CCDC88C: variants seen among roughly 807,000 people sequenced by gnomAD.
The protein encoded by CCDC88C is coiled-coil and HOOK domain protein 88C, also known as protein Daple.
In CCDC88C, 131 loss-of-function variants were observed where a neutral mutation model predicts 198.8. That is an observed-to-expected ratio of 0.66 (90% confidence interval 0.57 to 0.76). CCDC88C has a LOEUF of 0.76. CCDC88C is among the 30% of genes least tolerant of loss of function. The pLI, the probability that CCDC88C is intolerant of heterozygous loss-of-function variation, is 0.00. For missense variants in CCDC88C, 2,553 were observed against 2,631.6 expected, an observed-to-expected ratio of 0.97 and a Z score of 0.65; for synonymous variants, 1,166 against 1,114.7, an observed-to-expected ratio of 1.05 and a Z score of -0.92.
chr14:91,325,826 C>A lies in CCDC88C; in HGVS notation c.1197+84G>T. 1 of 1,398,372 alleles carries A rather than the reference C, an allele frequency of 7.2e-7. No individual in the cohort carries two copies. The highest frequency in any genetic ancestry group is 9.7e-7 in the Non-Finnish European group (1 of 1,029,818). 86.6% of individuals were successfully genotyped at this position (1,398,372 alleles called of 1,614,324 possible). ...TCAAGGGATCCTCCCACCTTAGCCT[C>A]CCAAAGTGCTGGGATTACAGGCATG... On this transcript the variant is annotated intron_variant, in intron 11 of 29. Coordinates refer to ENST00000389857, the MANE Select transcript of CCDC88C (RefSeq NM_001080414.4). This position sits in a 1 kb window ranked among gnomAD's most constrained non-coding sequence, Gnocchi z 4.1.
chr14:91,375,544 A>C (rs1222957578), intron 3 of CCDC88C, among the ~76,000 whole-genome samples: 1 of 152,210 alleles, frequency 6.6e-6, no homozygotes, highest in Non-Finnish European at 1.5e-5. Flanking sequence ...AGGGAAGGGC[A>C]GGCGCACAGA....
Position 91,339,878 on chromosome 14 carries a change from A to C in CCDC88C, c.624+6T>G. ...GGCTGACCGGGCCACCGACCCGCGG[A>C]CGCACCTCGGTGCACTCGTCCCGCT... On this transcript the variant is annotated splice_donor_region_variant and intron_variant, in intron 7 of 29. Transcript: ENST00000389857. This position sits in a 1 kb window ranked among gnomAD's most constrained non-coding sequence, Gnocchi z 5.8. The C allele has an allele frequency of 1.3e-6, 2 of 1,578,264 alleles. No homozygotes were observed. Among genetic ancestry groups the C allele is most frequent in the South Asian group, 2.3e-5 (2 of 86,268 alleles).
chr14:91,407,474 G>A (rs768361218), intron 3 of CCDC88C, among the ~76,000 whole-genome samples: 4 of 152,236 alleles, frequency 2.6e-5, no homozygotes, highest in Non-Finnish European at 5.9e-5. Context: ...CACATGTTTA[G>A]TGAAACGCTG....
In CCDC88C at chr14:91,272,618, G is replaced by GA; in HGVS notation, c.*6dup. On this transcript the variant is annotated 3_prime_UTR_variant, in exon 30 of 30. Transcript: ENST00000389857. The stretch of plus-strand genomic sequence containing the variant: ...TTTTCAGGTTTGCGAGCTCAACCAC[G>GA]AGACAGTCACACACAGCCGTACTCA... 1.3e-6 allele frequency: 2 copies of GA among 1,597,770 alleles called. No individual in the cohort carries two copies. Among genetic ancestry groups the GA allele is most frequent in the Non-Finnish European group, 1.7e-6 (2 of 1,172,754 alleles).
At chr14:91,413,773 C>T (rs960389032) in intron 2 of CCDC88C, among the ~76,000 whole-genome samples, 1 of 152,212 alleles carries the variant, frequency 6.6e-6, no homozygotes, top group African/African-American at 2.4e-5. Context: ...GGTGCAGTCA[C>T]GTGACCCCCA....
At chr14:91,359,250 G>GCCTCCC (rs201665773) in intron 4 of CCDC88C, among the ~76,000 whole-genome samples, 44,953 of 147,502 alleles carry the variant, frequency 0.3, 6,968 homozygotes, top group Non-Finnish European at 0.34. Flanking sequence ...TGCAAGCTCC[G>GCCTCCC]GGCCATTCTC....
chr14:91,298,242 G>T (rs1471406122), intron 21 of CCDC88C, among the ~76,000 whole-genome samples: 1 of 152,140 alleles, frequency 6.6e-6, no homozygotes, highest in East Asian at 1.9e-4. Flanking sequence ...CACCAGCCTA[G>T]GCGACATAGT....
chr14:91,307,188 T>A lies in CCDC88C; in HGVS notation c.3045A>T (p.Gly1015=). 1 of 1,613,824 alleles carries A rather than the reference T, an allele frequency of 6.2e-7. No individual in the cohort carries two copies. The highest frequency in any genetic ancestry group is 1.3e-5 in the African/African-American group (1 of 75,024). The change falls in exon 18 of 30, where the codon GGA becomes GGT. Residue 1015 remains glycine, a synonymous_variant. Transcript: ENST00000389857. ...AAGAGTTCTGCAAGTGCTGCCCCTC[T>A]CCCTGGTTCTGCCTGAGGGTCTCAC... ...KECETLRQNQ[G]EGQHLQNSFK...
intron 3 of CCDC88C, chr14:91,384,657 C>T (rs999047872): frequency 5.2e-6 from 2 of 381,450 alleles, no homozygotes; most frequent in Non-Finnish European, 1.0e-5. Context: ...CCAGCCTACC[C>T]CAACTGCACA....
intron 3 of CCDC88C, among the ~76,000 whole-genome samples, chr14:91,376,759 T>C (rs1053011158): frequency 4.6e-5 from 7 of 152,156 alleles, no homozygotes; most frequent in Admixed American, 2.6e-4. Context: ...GTAAGCCCAG[T>C]GTCGGTTCAG....
At chr14:91,327,197 A>G (rs1892617162) in intron 10 of CCDC88C, among the ~76,000 whole-genome samples, 1 of 152,184 alleles carries the variant, frequency 6.6e-6, no homozygotes, top group Non-Finnish European at 1.5e-5. Flanking sequence ...TGTCCCACTC[A>G]CGAATCACAC....
chr14:91,323,705 A>T (rs1474377619), intron 12 of CCDC88C, among the ~76,000 whole-genome samples: 1 of 152,248 alleles, frequency 6.6e-6, no homozygotes, highest in Non-Finnish European at 1.5e-5. Flanking sequence ...ATGGTCTCTA[A>T]CAAATATTTA....
intron 4 of CCDC88C, among the ~76,000 whole-genome samples, chr14:91,345,190 A>ATATATTTTT (rs1246878587): frequency 1.9e-4 from 10 of 52,200 alleles, no homozygotes; most frequent in East Asian, 5.6e-4. Context: ...ATATATATAT[A>ATATATTTTT]TTTTTTTTTT....
In CCDC88C at chr14:91,279,319, G is replaced by A; in HGVS notation, c.4700-13C>T. The A allele has an allele frequency of 6.3e-7, 1 of 1,586,286 alleles. No homozygotes were observed. Among genetic ancestry groups the A allele is most frequent in the African/African-American group, 1.3e-5 (1 of 74,550 alleles). On this transcript the variant is annotated splice_polypyrimidine_tract_variant and intron_variant, in intron 27 of 29. Transcript: ENST00000389857. ...CTTGGCCGCGACACTGAAAGGAAAT[G>A]GCAGTGTTAAAATTAAAAAGCCAAT... is the stretch of plus-strand genomic sequence containing the variant.
At position 91,324,987 on chromosome 14, in the gene CCDC88C, T is replaced by A. The variant is rs115817163; in HGVS notation, c.1198-64A>T. On this transcript the variant is annotated intron_variant, in intron 11 of 29. Coordinates refer to ENST00000389857, the MANE Select transcript of CCDC88C (RefSeq NM_001080414.4). Reference sequence around the variant, plus strand: ...AGCTGGAGATCCCCCTGGACAAGCCTCAGCCCCTGTATAGCTACCGTCATG... The same window carrying A: ...AGCTGGAGATCCCCCTGGACAAGCCACAGCCCCTGTATAGCTACCGTCATG... The A allele has an allele frequency of 2.2e-3, 3,512 of 1,598,532 alleles. 73 individuals carry two copies. The African/African-American group carries it at 0.042, about 19-fold the overall frequency.
intron 29 of CCDC88C, among the ~76,000 whole-genome samples, chr14:91,277,384 T>C (rs1890010078): frequency 6.6e-6 from 1 of 152,210 alleles, no homozygotes; most frequent in Admixed American, 6.5e-5. Flanking sequence ...GAAAATCATA[T>C]GAAATTCAAA....
At position 91,339,147 on chromosome 14, in the gene CCDC88C, G is replaced by C; in HGVS notation, c.809+131C>G. On this transcript the variant is annotated intron_variant, in intron 8 of 29. Coordinates refer to ENST00000389857, the MANE Select transcript of CCDC88C (RefSeq NM_001080414.4). The surrounding 1 kb of genome is among the most constrained non-coding windows in gnomAD (Gnocchi z 5.8). ...GTCCGAGGTCAAAGAGTAAGCTCAG[G>C]GCAGACCCCAGCTGACTCCGGGGCA... 1 of 1,104,960 alleles carries C rather than the reference G, an allele frequency of 9.1e-7. No homozygotes were observed. Among genetic ancestry groups the C allele is most frequent in the South Asian group, 1.3e-5 (1 of 74,600 alleles). 68.4% of individuals were successfully genotyped at this position (1,104,960 alleles called of 1,614,324 possible). A position where few individuals can be genotyped will look rare whatever the true frequency, so the allele number is the denominator to read the frequency against.
intron 3 of CCDC88C, among the ~76,000 whole-genome samples, chr14:91,397,873 C>G (rs570816851): frequency 7.2e-5 from 11 of 152,346 alleles, no homozygotes; most frequent in African/African-American, 2.4e-4. Context: ...CAGCAAGTTA[C>G]CTCCCTACAT....
chr14:91,298,787 C>G lies in CCDC88C; in HGVS notation c.3779+1140G>C, dbSNP rs570970288. On this transcript the variant is annotated intron_variant, in intron 21 of 29. Transcript: ENST00000389857. Reference sequence around the variant, plus strand: ...TTATTTGCCTGGGGAGCCAAGGTAACTGAGTTTCTAACCCCCCGTATACAC... The same window carrying G: ...TTATTTGCCTGGGGAGCCAAGGTAAGTGAGTTTCTAACCCCCCGTATACAC... Among the ~76,000 whole-genome samples, 9 of 152,262 alleles carry G rather than the reference C, an allele frequency of 5.9e-5. 1 individual carries two copies. Among genetic ancestry groups the G allele is most frequent in the African/African-American group, 2.2e-4 (9 of 41,524 alleles).
Sources: gnomAD v4.1 joint callset for allele counts (sites outside exome capture counted in the v4.1 genomes callset) on GRCh38, gnomAD v4.1.1 for gene constraint, Gnocchi (gnomAD v3.1) non-coding constraint, MANE v1.5 for transcripts, NCBI Gene and HGNC (gene_info 2026-07-23, HGNC 2026-07-21) for gene names.